MAML2: variants seen among roughly 807,000 people sequenced by gnomAD.
MAML2 encodes the protein mastermind like transcriptional coactivator 2.
Under a neutral mutation model 96.1 loss-of-function variants are expected in MAML2, and 22 were observed. The ratio of observed to expected loss-of-function variants is 0.23; its 90% CI spans 0.16 to 0.33. The LOEUF is 0.33. Among genes scored for constraint, MAML2 ranks in the 10% least tolerant of loss-of-function variants. MAML2 has a pLI of 1.00. For missense variants in MAML2, 1,367 were observed against 1,392.4 expected (o/e 0.98, Z 0.29); for synonymous variants, 561 against 521.3 (o/e 1.08, Z -1.04).
chr11:96,123,809 C>T (rs1170810043), intron 1 of MAML2, among the ~76,000 whole-genome samples: 1 of 152,098 alleles, frequency 6.6e-6, no homozygotes, highest in Non-Finnish European at 1.5e-5. Context: ...CATGGTGGCT[C>T]ACGCCTGTAA....
At chr11:96,200,567 C>A (rs1220881658) in intron 1 of MAML2, among the ~76,000 whole-genome samples, 1 of 152,178 alleles carries the variant, frequency 6.6e-6, no homozygotes, top group Non-Finnish European at 1.5e-5. Context: ...GAAAGATGTA[C>A]TAAGTTAGTG....
chr11:96,124,682 C>T (rs75036326), intron 1 of MAML2, among the ~76,000 whole-genome samples: 5,171 of 152,100 alleles, frequency 0.034, 121 homozygotes, highest in Non-Finnish European at 0.051. Flanking sequence ...TAAACACACG[C>T]GTGTGTGTGC....
chr11:96,092,829 G>A lies in MAML2; in HGVS notation c.1202C>T (p.Ser401Leu), dbSNP rs1455794421. 5.6e-6 allele frequency: 9 copies of A among 1,609,010 alleles called. No individual in the cohort carries two copies. Among genetic ancestry groups the A allele is most frequent in the South Asian group, 4.4e-5 (4 of 90,296 alleles). The stretch of plus-strand genomic sequence containing the variant: ...CTGAGGGACTGAAGGGATTGGAGAC[G>A]AAGTGGAGAGGGCAGAGTTGGCCAT... ...FSMANSALST[S>L]SPIPSVPQSQ... Residue 401 changes from serine (S) to leucine (L), a missense_variant, in exon 2 of 5, where the codon TCG becomes TTG. Physicochemically the swap from Ser to Leu is moderately radical, Grantham distance 145 (BLOSUM62 -2). Transcript: ENST00000524717. The surrounding 1 kb of genome is among the most constrained non-coding windows in gnomAD (Gnocchi z 4.1).
rs145037885 is a variant in MAML2, at chr11:96,114,306, G to A, written c.514-20789C>T. Among the ~76,000 whole-genome samples the A allele has an allele frequency of 2.2e-4, 34 of 152,266 alleles. No individual in the cohort carries two copies. The East Asian group carries it at 6.6e-3, about 29-fold the overall frequency. On this transcript the variant is annotated intron_variant, in intron 1 of 4. Transcript: ENST00000524717. Reference sequence around the variant, plus strand: ...GGCAAAAATATTCCAGACTGAGAAAGGTACCAAGAGTCTTGGTGAGAAATC... The same window carrying A: ...GGCAAAAATATTCCAGACTGAGAAAAGTACCAAGAGTCTTGGTGAGAAATC...
At chr11:96,110,589 G>T (rs2135831738) in intron 1 of MAML2, among the ~76,000 whole-genome samples, 1 of 152,272 alleles carries the variant, frequency 6.6e-6, no homozygotes, top group Admixed American at 6.5e-5. Flanking sequence ...AGATAAGAAA[G>T]AAGCCAGGCC....
chr11:96,146,099 A>T (rs1860813781), intron 1 of MAML2, among the ~76,000 whole-genome samples: 1 of 152,252 alleles, frequency 6.6e-6, no homozygotes, highest in Admixed American at 6.5e-5. Context: ...ATGATTTTCA[A>T]TCTACTCCTA....
chr11:96,238,173 A>G (rs1862389919), intron 1 of MAML2, among the ~76,000 whole-genome samples: 1 of 152,222 alleles, frequency 6.6e-6, no homozygotes, highest in African/African-American at 2.4e-5. Flanking sequence ...TTTCATTAAT[A>G]TGGAAGAGAC....
At chr11:96,026,336 C>T (rs1444240994) in intron 2 of MAML2, among the ~76,000 whole-genome samples, 1 of 152,178 alleles carries the variant, frequency 6.6e-6, no homozygotes, top group Non-Finnish European at 1.5e-5. Flanking sequence ...TGAAACAACC[C>T]TAAAATATCA....
At chr11:96,240,584 G>A (rs200326816) in intron 1 of MAML2, among the ~76,000 whole-genome samples, 5,215 of 58,940 alleles carry the variant, frequency 0.088, 1 homozygote, top group Non-Finnish European at 0.12. Context: ...AAAAAAAAAA[G>A]AAAGCTGATG....
intron 1 of MAML2, among the ~76,000 whole-genome samples, chr11:96,262,380 AT>A (rs756644928): frequency 6.6e-6 from 1 of 152,106 alleles, no homozygotes; most frequent in Non-Finnish European, 1.5e-5. Context: ...ACTGAAAATA[AT>A]TCTCCCAAGA....
intron 2 of MAML2, among the ~76,000 whole-genome samples, chr11:96,023,811 A>C (rs1457643275): frequency 6.6e-6 from 1 of 152,198 alleles, no homozygotes; most frequent in Non-Finnish European, 1.5e-5. Flanking sequence ...AAGGTAAGAA[A>C]ATGCAAGGAG....
intron 3 of MAML2, 30 bp from the exon 4 acceptor site, chr11:95,985,672 T>C (rs751414962): frequency 7.2e-7 from 1 of 1,389,404 alleles, no homozygotes; most frequent in Admixed American, 1.8e-5. Flanking sequence ...GCATATTATG[T>C]TGCATCATTC....
intron 1 of MAML2, among the ~76,000 whole-genome samples, chr11:96,227,209 C>G (rs921585131): frequency 6.6e-6 from 1 of 152,178 alleles, no homozygotes; most frequent in African/African-American, 2.4e-5. Flanking sequence ...AAAATTATAT[C>G]AAGTTTTCTG....
rs1863914992 is a variant in MAML2, at chr11:96,335,922, C to T, written c.513+5461G>A. Among the ~76,000 whole-genome samples the T allele has an allele frequency of 2.6e-5, 4 of 152,312 alleles. No individual in the cohort carries two copies. In the South Asian group the frequency reaches 8.3e-4, roughly 32 times the overall value. On this transcript the variant is annotated intron_variant, in intron 1 of 4. Coordinates refer to ENST00000524717, the MANE Select transcript of MAML2 (RefSeq NM_032427.4). Reference sequence around the variant, plus strand: ...CACATTTCCGTATTTTCTCCCTCTTCTCAGGCCCTGCTGGTGACCCATGTT... The same window carrying T: ...CACATTTCCGTATTTTCTCCCTCTTTTCAGGCCCTGCTGGTGACCCATGTT...
chr11:96,295,774 A>C (rs1355879755), intron 1 of MAML2, among the ~76,000 whole-genome samples: 2 of 149,578 alleles, frequency 1.3e-5, no homozygotes, highest in African/African-American at 5.0e-5. Context: ...GGTAGTGTTA[A>C]AAATAAACAA....
At chr11:96,231,207 G>A (rs991533975) in intron 1 of MAML2, among the ~76,000 whole-genome samples, 8 of 151,884 alleles carry the variant, frequency 5.3e-5, no homozygotes, top group Non-Finnish European at 7.4e-5. Flanking sequence ...TTCCTCTTTC[G>A]TGTATCACCA....
rs1013771027 is a variant in MAML2, at chr11:96,102,785, T to C, written c.514-9268A>G. Among the ~76,000 whole-genome samples the C allele has an allele frequency of 2.6e-5, 4 of 152,328 alleles. No individual in the cohort carries two copies. The East Asian group carries it at 7.7e-4, about 29-fold the overall frequency. On this transcript the variant is annotated intron_variant, in intron 1 of 4. Transcript: ENST00000524717. ...AAGGATCTGAGGGGACATTCAGAGA[T>C]GGACCCTTTGTGTTTAACAGAGAAA...
chr11:96,204,273 T>C (rs1052795324), intron 1 of MAML2, among the ~76,000 whole-genome samples: 3 of 152,218 alleles, frequency 2.0e-5, no homozygotes, highest in African/African-American at 7.2e-5. Context: ...CAATATTTAT[T>C]GAGCACCTAC....
intron 2 of MAML2, among the ~76,000 whole-genome samples, chr11:96,030,281 T>C (rs1367075188): frequency 1.3e-5 from 2 of 151,334 alleles, no homozygotes; most frequent in East Asian, 3.9e-4. Flanking sequence ...ATAGCTAATA[T>C]CATTGTTTTT....
Sources: gnomAD v4.1 joint callset for allele counts (sites outside exome capture counted in the v4.1 genomes callset) on GRCh38, gnomAD v4.1.1 for gene constraint, Gnocchi (gnomAD v3.1) non-coding constraint, MANE v1.5 for transcripts, NCBI Gene and HGNC (gene_info 2026-07-23, HGNC 2026-07-21) for gene names.